CAPN5: variants seen among roughly 807,000 people sequenced by gnomAD.
The protein encoded by CAPN5 is calpain 5, also known as calpain-5.
A neutral mutation model predicts 73.0 loss-of-function variants in CAPN5; 54 were observed. That is an observed-to-expected ratio of 0.74 (90% confidence interval 0.59 to 0.93). The LOEUF is 0.93. Ranked by LOEUF, CAPN5 falls within the 40% of genes least tolerant of loss-of-function variation. The pLI is 0.00. For synonymous variants in CAPN5, 335 were observed against 356.9 expected, an observed-to-expected ratio of 0.94 and a Z score of 0.69; for missense variants, 785 against 882.9, an observed-to-expected ratio of 0.89 and a Z score of 1.41.
intron 1 of CAPN5, among the ~76,000 whole-genome samples, chr11:77,074,270 C>T (rs1949943976): frequency 6.6e-6 from 1 of 152,110 alleles, no homozygotes; most frequent in African/African-American, 2.4e-5. Context: ...GACCTTTAGT[C>T]TTGCCCCTGG....
intron 1 of CAPN5, among the ~76,000 whole-genome samples, chr11:77,080,303 G>A (rs1227138036): frequency 1.3e-5 from 2 of 152,136 alleles, no homozygotes; most frequent in Non-Finnish European, 2.9e-5. Flanking sequence ...CTTATTCTGG[G>A]TCCTTTGTGG....
chr11:77,118,749 C>T (rs781990536), intron 8 of CAPN5, among the ~76,000 whole-genome samples: 2 of 152,256 alleles, frequency 1.3e-5, no homozygotes, highest in Non-Finnish European at 1.5e-5. Context: ...CAGTCTGACC[C>T]GTGGCGCTGC....
chr11:77,078,138 C>A (rs540191511), intron 1 of CAPN5, among the ~76,000 whole-genome samples: 5 of 152,260 alleles, frequency 3.3e-5, no homozygotes, highest in African/African-American at 1.2e-4. Flanking sequence ...AATATCATTG[C>A]CCAGACCAAT....
chr11:77,121,987 A>C lies in CAPN5; in HGVS notation c.1541A>C (p.Tyr514Ser). Residue 514 changes from tyrosine (Y) to serine (S), a missense_variant, in exon 11 of 13, where the codon TAC becomes TCC. By Grantham distance (144) the Tyr-to-Ser change is moderately radical. Transcript: ENST00000648180. ...ACCTGCTGGAGCTCCCTCTGTGGCT[A>C]CCCCCAGCTGGTGACCCAGGTACAT... Reference protein sequence around the residue: ...PHTCWSSLCGYPQLVTQVHVL... With the variant: ...PHTCWSSLCGSPQLVTQVHVL... 6.4e-7 allele frequency: 1 copy of C among 1,562,822 alleles called. No individual in the cohort carries two copies. The highest frequency in any genetic ancestry group is 8.7e-7 in the Non-Finnish European group (1 of 1,153,344).
intron 3 of CAPN5, among the ~76,000 whole-genome samples, chr11:77,101,829 G>A (rs1166299073): frequency 6.6e-6 from 1 of 152,082 alleles, no homozygotes; most frequent in Non-Finnish European, 1.5e-5. Context: ...TGAGCTTCTG[G>A]TTCCGCCCCG....
intron 3 of CAPN5, among the ~76,000 whole-genome samples, chr11:77,104,522 C>G (rs1264744788): frequency 6.6e-6 from 1 of 152,192 alleles, no homozygotes; most frequent in Non-Finnish European, 1.5e-5. Flanking sequence ...TTGGATGCAA[C>G]TCACTCACCA....
intron 1 of CAPN5, among the ~76,000 whole-genome samples, chr11:77,074,383 C>A (rs1949945867): frequency 2.0e-5 from 3 of 152,176 alleles, no homozygotes; most frequent in African/African-American, 7.2e-5. Context: ...CACCCAGTGC[C>A]CTCCCACCTT....
At chr11:77,122,209 A>G (rs1555042945) in intron 11 of CAPN5, among the ~76,000 whole-genome samples, 160 bp downstream of exon 11, 1 of 152,178 alleles carries the variant, frequency 6.6e-6, no homozygotes, top group African/African-American at 2.4e-5. Context: ...ATAGAGAGGA[A>G]AAGGTTTACC....
intron 8 of CAPN5, among the ~76,000 whole-genome samples, chr11:77,118,635 G>A (rs1020571922): frequency 6.6e-6 from 1 of 152,214 alleles, no homozygotes; most frequent in Non-Finnish European, 1.5e-5. Flanking sequence ...CTTAGAGGCT[G>A]AGCCAGGGAC....
intron 1 of CAPN5, among the ~76,000 whole-genome samples, chr11:77,069,443 G>T (rs1321182346): frequency 2.0e-5 from 3 of 152,158 alleles, no homozygotes; most frequent in African/African-American, 7.2e-5. Context: ...CTTGGCTTTA[G>T]TGGGTGAAGG....
intron 1 of CAPN5, among the ~76,000 whole-genome samples, chr11:77,078,719 G>A (rs566106947): frequency 2.6e-5 from 4 of 152,088 alleles, no homozygotes; most frequent in South Asian, 4.2e-4. Flanking sequence ...GTACATATCT[G>A]TATCTTTCCA....
Position 77,102,782 on chromosome 11 carries a change from C to A in CAPN5, c.297+8969C>A. ...CCCCTTTGGTGGCCTCTTCTCTCCA[C>A]GGCCCCAGGCTCCAGCCCACTTGGG... On this transcript the variant is annotated intron_variant, in intron 3 of 12. Transcript: ENST00000648180. The A allele has an allele frequency of 3.4e-6, 5 of 1,467,720 alleles. No homozygotes were observed. In the South Asian group the frequency reaches 5.6e-5, roughly 16 times the overall value. The allele number at this position is 1,467,720 out of a possible 1,614,324, so 90.9% of individuals were successfully genotyped here.
At chr11:77,098,600 G>A (rs1950243049) in intron 3 of CAPN5, among the ~76,000 whole-genome samples, 1 of 48,798 alleles carries the variant, frequency 2.0e-5, no homozygotes, top group African/African-American at 1.1e-4. Context: ...CGGGCAGAGG[G>A]GCTCCTCACT....
chr11:77,078,885 G>A (rs1555034249), intron 1 of CAPN5, among the ~76,000 whole-genome samples: 1 of 151,966 alleles, frequency 6.6e-6, no homozygotes. Context: ...GTAGTGTGTT[G>A]TTAGTATATA....
At position 77,115,486 on chromosome 11, in the gene CAPN5, T is replaced by G; in HGVS notation, c.791T>G (p.Leu264Arg). 1 of 1,613,338 alleles carries G rather than the reference T, an allele frequency of 6.2e-7. No individual in the cohort carries two copies. The highest frequency in any genetic ancestry group is 2.2e-5 in the East Asian group (1 of 44,894). ...YAVTDVRKVR[L>R]GHGLLAFFKS... is the part of the protein sequence containing the mutation. ...GTCACTGATGTGCGCAAGGTGCGCC[T>G]GGGCCACGGCCTACTGGCCTTCTTC... Residue 264 changes from leucine (L) to arginine (R), a missense_variant, in exon 6 of 13, where the codon CTG (leucine) becomes CGG (arginine). Leu to Arg is a moderately radical substitution (Grantham distance 102). Transcript: ENST00000648180.
At chr11:77,119,204 G>A (rs1950499209) in intron 9 of CAPN5, 52 bp downstream of exon 9, 8 of 1,563,676 alleles carry the variant, frequency 5.1e-6, no homozygotes, top group Non-Finnish European at 6.9e-6. Flanking sequence ...GGGAGCTGGA[G>A]TTTGGACTGC....
At chr11:77,070,199 T>C (rs2135402693) in intron 1 of CAPN5, among the ~76,000 whole-genome samples, 1 of 152,310 alleles carries the variant, frequency 6.6e-6, no homozygotes, top group African/African-American at 2.4e-5. Flanking sequence ...GAGGCTGCGG[T>C]GGCCTGTGGG....
intron 7 of CAPN5, 86 bp downstream of exon 7, chr11:77,116,389 C>T: frequency 1.0e-6 from 1 of 978,618 alleles, no homozygotes. Flanking sequence ...AGTCAGGAGC[C>T]AGGCCTCTCC....
chr11:77,089,964 C>T (rs1172748532), intron 2 of CAPN5, among the ~76,000 whole-genome samples: 1 of 152,190 alleles, frequency 6.6e-6, no homozygotes, highest in Non-Finnish European at 1.5e-5. Flanking sequence ...TCTCATTTCA[C>T]CTCTTCTTGT....
Sources: gnomAD v4.1 joint callset for allele counts (sites outside exome capture counted in the v4.1 genomes callset) on GRCh38, gnomAD v4.1.1 for gene constraint, MANE v1.5 for transcripts, NCBI Gene and HGNC (gene_info 2026-07-23, HGNC 2026-07-21) for gene names.